The following ANKRD11 variants were observed in gnomAD, a reference collection of about 807,000 sequenced individuals.
ANKRD11 encodes ankyrin repeat domain-containing protein 11.
ANKRD11 carries 17 observed loss-of-function variants against 195.7 expected under a neutral mutation model. That is an observed-to-expected ratio of 0.09 (90% CI 0.06 to 0.13). The LOEUF (loss-of-function observed/expected upper bound fraction) is 0.13. Ranked by LOEUF, ANKRD11 falls within the 10% of genes least tolerant of loss-of-function variation. ANKRD11 has a pLI of 1.00. For synonymous variants in ANKRD11, 1,953 were observed against 1,528.1 expected, an observed-to-expected ratio of 1.28 and a Z score of -6.49; for missense variants, 3,735 against 3,566.1, an observed-to-expected ratio of 1.05 and a Z score of -1.21.
At chr16:89,459,492 G>A (rs1262581617) in intron 1 of ANKRD11, 1 of 152,134 alleles carries the variant, frequency 6.6e-6, no homozygotes, top group Admixed American at 6.5e-5. Context: ...CACGACACCC[G>A]GCCTCTTACA....
At chr16:89,488,263 G>C (rs2057686635) in intron 1 of ANKRD11, among the ~76,000 whole-genome samples, 1 of 152,054 alleles carries the variant, frequency 6.6e-6, no homozygotes, top group Non-Finnish European at 1.5e-5. Flanking sequence ...CAGCAACTTG[G>C]TCTTTGTTCC....
chr16:89,437,068 G>A (rs1363364867), intron 1 of ANKRD11, among the ~76,000 whole-genome samples: 1 of 152,216 alleles, frequency 6.6e-6, no homozygotes, highest in Non-Finnish European at 1.5e-5. Context: ...AGATGTCACA[G>A]AAGAAAACGA....
chr16:89,437,437 C>T (rs1290433098), intron 1 of ANKRD11, among the ~76,000 whole-genome samples: 3 of 152,102 alleles, frequency 2.0e-5, no homozygotes, highest in African/African-American at 7.2e-5. Context: ...ACCCCTACTT[C>T]CTCTCTCCTC....
At chr16:89,415,836 A>AAAAAAAAAAAAAAAAC (rs1567774075) in intron 2 of ANKRD11, among the ~76,000 whole-genome samples, 1 of 141,098 alleles carries the variant, frequency 7.1e-6, no homozygotes, top group African/African-American at 2.7e-5. Flanking sequence ...TCTCAAAAAA[A>AAAAAAAAAAAAAAAAC]AAAAAAAAAA....
intron 2 of ANKRD11, among the ~76,000 whole-genome samples, chr16:89,395,210 T>C (rs752241319): frequency 1.1e-4 from 16 of 152,190 alleles, no homozygotes; most frequent in Non-Finnish European, 2.2e-4. Flanking sequence ...TAAGGCAGCG[T>C]CTTAACAGAA....
chr16:89,419,380 G>A (rs1042642369), intron 1 of ANKRD11, among the ~76,000 whole-genome samples: 2 of 151,456 alleles, frequency 1.3e-5, no homozygotes, highest in Non-Finnish European at 2.9e-5. Flanking sequence ...TTGAATCTGC[G>A]AGGCAAAGGT....
chr16:89,447,913 T>C (rs2043875979), intron 1 of ANKRD11, among the ~76,000 whole-genome samples: 1 of 151,698 alleles, frequency 6.6e-6, no homozygotes, highest in South Asian at 2.1e-4. Context: ...CAAGCAATTG[T>C]CCTGTCTCAG....
chr16:89,373,202 C>T (rs143735598), intron 2 of ANKRD11: 21 of 152,354 alleles, frequency 1.4e-4, no homozygotes, highest in African/African-American at 3.8e-4. Context: ...AAAACTAAGA[C>T]GTTTACCCAA....
chr16:89,301,576 C>T (rs1423347765), intron 4 of ANKRD11: 1 of 398,674 alleles, frequency 2.5e-6, no homozygotes, highest in Non-Finnish European at 4.4e-6. Context: ...CCTTCCCACT[C>T]CTTGCTGCAC....
chr16:89,383,876 A>G (rs2152111277), intron 2 of ANKRD11, among the ~76,000 whole-genome samples: 2 of 152,310 alleles, frequency 1.3e-5, no homozygotes, highest in South Asian at 4.1e-4. Context: ...AGCTCCAGTC[A>G]TACCTCTGTC....
intron 4 of ANKRD11, chr16:89,298,831 T>C (rs1211019001): frequency 1.3e-5 from 2 of 152,180 alleles, no homozygotes; most frequent in Admixed American, 1.3e-4. Context: ...GGAAAAATGG[T>C]TGAGAAATAG....
intron 2 of ANKRD11, among the ~76,000 whole-genome samples, chr16:89,347,130 G>A (rs994152659): frequency 4.6e-5 from 7 of 152,128 alleles, no homozygotes; most frequent in Admixed American, 1.3e-4. Context: ...TCGTTGGTCC[G>A]GGCATCAGAG....
rs1412610507 is a variant in ANKRD11, at chr16:89,407,476, A to G, written c.-60+10808T>C. On this transcript the variant is annotated intron_variant, in intron 2 of 12. Transcript: ENST00000301030. ...CCCTGCCCCAAGCCAAAAAGGAACC[A>G]CGTTCGCCTCGTCAGGGCTGTTGCA... Among the ~76,000 whole-genome samples the G allele has an allele frequency of 2.6e-5, 4 of 152,022 alleles. No individual in the cohort carries two copies. In the South Asian group the frequency reaches 6.2e-4, roughly 24 times the overall value.
chr16:89,286,447 C>T, intron 7 of ANKRD11: 1 of 597,542 alleles, frequency 1.7e-6, no homozygotes, highest in Non-Finnish European at 2.8e-6. Flanking sequence ...TTCAGAAGGG[C>T]TCTGCCTCCT....
At chr16:89,421,524 C>T (rs2042507135) in intron 1 of ANKRD11, among the ~76,000 whole-genome samples, 1 of 112,622 alleles carries the variant, frequency 8.9e-6, no homozygotes, top group Admixed American at 8.3e-5. Context: ...TGTGTGGTGA[C>T]GGAGTCAGGG....
Position 89,282,131 on chromosome 16 carries a change from C to T in ANKRD11, c.4411G>A (p.Asp1471Asn). Reference sequence around the variant, plus strand: ...CTGTCCCGGTGCCTCTCCTTCTCGTCTCTCCATTTCTCCCTGTGTTTCTCT... The same window carrying T: ...CTGTCCCGGTGCCTCTCCTTCTCGTTTCTCCATTTCTCCCTGTGTTTCTCT... The part of the protein sequence containing the change: ...KREKHREKWR[D>N]EKERHRDRHA... Residue 1471 changes from aspartate to asparagine, a missense_variant, in exon 9 of 13, where the codon GAC (aspartate) becomes AAC (asparagine). Asp to Asn is a conservative substitution (Grantham distance 23). Transcript: ENST00000301030. The T allele has an allele frequency of 2.5e-6, 4 of 1,613,954 alleles. No homozygotes were observed. The highest frequency in any genetic ancestry group is 3.4e-6 in the Non-Finnish European group (4 of 1,179,992).
intron 1 of ANKRD11, among the ~76,000 whole-genome samples, chr16:89,467,146 A>G (rs1031518792): frequency 6.6e-6 from 1 of 152,312 alleles, no homozygotes; most frequent in Non-Finnish European, 1.5e-5. Context: ...ACAAGCTGCA[A>G]TCAGGCCAGG....
At chr16:89,333,310 G>A (rs976630059) in intron 2 of ANKRD11, among the ~76,000 whole-genome samples, 28 of 152,304 alleles carry the variant, frequency 1.8e-4, no homozygotes, top group Admixed American at 9.1e-4. Context: ...CTGCACCCCC[G>A]GGCTCAGCAT....
chr16:89,458,504 G>A (rs1024774974), intron 1 of ANKRD11, among the ~76,000 whole-genome samples: 11 of 152,178 alleles, frequency 7.2e-5, no homozygotes, highest in African/African-American at 2.7e-4. Flanking sequence ...GATTACAGGC[G>A]TGAGCCACCG....
Sources: allele counts gnomAD v4.1 joint callset (sites outside exome capture counted in the v4.1 genomes callset), GRCh38; gene constraint gnomAD v4.1.1; transcripts MANE v1.5; gene names NCBI Gene and HGNC (gene_info 2026-07-23, HGNC 2026-07-21).